The following SCAMP1 variants were observed in gnomAD, a reference collection of about 807,000 sequenced individuals.
SCAMP1 encodes secretory carrier membrane protein 1.
Under a neutral mutation model 41.8 loss-of-function variants are expected in SCAMP1, and 15 were observed. The observed-to-expected ratio is 0.36, with a 90% CI of 0.24 to 0.55. The LOEUF is 0.55. Among genes scored for constraint, SCAMP1 ranks in the 20% least tolerant of loss-of-function variants. SCAMP1 has a pLI of 0.86. For synonymous variants in SCAMP1, 135 were observed against 136.8 expected, an observed-to-expected ratio of 0.99 and a Z score of 0.09; for missense variants, 341 against 412.6, an observed-to-expected ratio of 0.83 and a Z score of 1.50.
chr5:78,364,719 G>A (rs1432313641), intron 1 of SCAMP1, among the ~76,000 whole-genome samples: 1 of 152,144 alleles, frequency 6.6e-6, no homozygotes, highest in Non-Finnish European at 1.5e-5. Flanking sequence ...GAAAAGATCT[G>A]GGCTTGATCC....
Position 78,440,595 on chromosome 5 carries a change from C to T in SCAMP1, c.633-9338C>T, listed in dbSNP as rs561096532. On this transcript the variant is annotated intron_variant, in intron 6 of 8. Transcript: ENST00000621999. ...GCTTCGTCTCAGAGGTGCACCTGGC[C>T]GTATGAGGTGTCTGTTGGCCCCTAC... Among the ~76,000 whole-genome samples, 6 of 152,214 alleles carry T rather than the reference C, an allele frequency of 3.9e-5. No individual in the cohort carries two copies. In the South Asian group the frequency reaches 6.2e-4, roughly 16 times the overall value.
intron 7 of SCAMP1, among the ~76,000 whole-genome samples, chr5:78,456,775 A>G (rs1753416925): frequency 7.1e-6 from 1 of 140,080 alleles, no homozygotes; most frequent in Non-Finnish European, 1.5e-5. Context: ...TATCCTGCAG[A>G]GTGTTTTCCA....
At chr5:78,427,001 T>G (rs1752485860) in intron 6 of SCAMP1, among the ~76,000 whole-genome samples, 3 of 152,208 alleles carry the variant, frequency 2.0e-5, no homozygotes, top group African/African-American at 7.2e-5. Context: ...ACTTTTGGCT[T>G]TTTGGATAAT....
intron 6 of SCAMP1, among the ~76,000 whole-genome samples, chr5:78,441,451 A>G (rs1289813820): frequency 6.6e-6 from 1 of 152,194 alleles, no homozygotes; most frequent in Non-Finnish European, 1.5e-5. Context: ...ATAGTTAGGA[A>G]ATTTCAAGTG....
intron 2 of SCAMP1, among the ~76,000 whole-genome samples, chr5:78,405,802 A>G (rs1751920972): frequency 6.6e-6 from 1 of 152,078 alleles, no homozygotes; most frequent in South Asian, 2.1e-4. Flanking sequence ...ATGTTCCTTT[A>G]TCTATTTGAA....
intron 5 of SCAMP1, among the ~76,000 whole-genome samples, chr5:78,421,338 A>AT (rs1308430602): frequency 4.6e-5 from 7 of 152,194 alleles, no homozygotes; most frequent in Non-Finnish European, 1.0e-4. Context: ...CATTGACTAT[A>AT]TAGTCACTAG....
At chr5:78,440,303 T>C (rs1752886264) in intron 6 of SCAMP1, among the ~76,000 whole-genome samples, 1 of 152,222 alleles carries the variant, frequency 6.6e-6, no homozygotes, top group Admixed American at 6.5e-5. Flanking sequence ...TTTAGAATTT[T>C]CAGCTTTTCT....
chr5:78,382,123 C>G (rs773652929), intron 1 of SCAMP1, among the ~76,000 whole-genome samples: 1 of 152,094 alleles, frequency 6.6e-6, no homozygotes, highest in Non-Finnish European at 1.5e-5. Flanking sequence ...GTTTTCAGAC[C>G]CCACCCCAGA....
At chr5:78,382,822 C>CG (rs1361181646) in intron 1 of SCAMP1, among the ~76,000 whole-genome samples, 41 of 104,126 alleles carry the variant, frequency 3.9e-4, no homozygotes, top group African/African-American at 1.6e-3. Context: ...TGTGTGTGCG[C>CG]CACATTTTCT....
chr5:78,432,451 ATAT>A (rs1468602872), intron 6 of SCAMP1, among the ~76,000 whole-genome samples: 7 of 152,074 alleles, frequency 4.6e-5, no homozygotes, highest in African/African-American at 1.7e-4. Context: ...TCTTTGAAAG[ATAT>A]TATCAATAAG....
intron 1 of SCAMP1, among the ~76,000 whole-genome samples, chr5:78,364,347 CATG>C (rs777443877): frequency 1.4e-4 from 22 of 152,132 alleles, no homozygotes; most frequent in African/African-American, 4.6e-4. Flanking sequence ...TGCATATTAA[CATG>C]ATAATTGATT....
intron 6 of SCAMP1, among the ~76,000 whole-genome samples, chr5:78,439,831 C>A (rs1752871990): frequency 1.3e-5 from 2 of 152,148 alleles, no homozygotes; most frequent in Admixed American, 6.5e-5. Context: ...GTTCCATTTT[C>A]CCCGTCACTT....
At chr5:78,366,659 C>T (rs1385586974) in intron 1 of SCAMP1, among the ~76,000 whole-genome samples, 5 of 152,136 alleles carry the variant, frequency 3.3e-5, no homozygotes, top group Non-Finnish European at 7.4e-5. Flanking sequence ...GACAATGATA[C>T]TTACAAGTTG....
At chr5:78,361,305 C>G (rs796583865) in intron 1 of SCAMP1, among the ~76,000 whole-genome samples, 5 of 152,190 alleles carry the variant, frequency 3.3e-5, no homozygotes, top group African/African-American at 1.2e-4. Context: ...GCGCTGCCAT[C>G]CCCCCTCTTT....
intron 6 of SCAMP1, among the ~76,000 whole-genome samples, chr5:78,437,517 AT>A (rs1403640326): frequency 1.3e-5 from 2 of 152,330 alleles, no homozygotes; most frequent in Admixed American, 6.5e-5. Context: ...GATTATGTTT[AT>A]TGATTTGCGC....
At position 78,425,488 on chromosome 5, in the gene SCAMP1, G is replaced by A. The variant is rs189955718; in HGVS notation, c.632+3528G>A. Among the ~76,000 whole-genome samples, 5 of 152,112 alleles carry A rather than the reference G, an allele frequency of 3.3e-5. No homozygotes were observed. The East Asian group carries it at 7.7e-4, about 23-fold the overall frequency. ...GTACTCCCAAACCTTTTTTTAGCTT[G>A]TAGAGAATATTTTTAAAAGTATTTT... On this transcript the variant is annotated intron_variant, in intron 6 of 8. Coordinates refer to ENST00000621999, the MANE Select transcript of SCAMP1 (RefSeq NM_004866.6).
chr5:78,427,257 C>T (rs1215585670), intron 6 of SCAMP1, among the ~76,000 whole-genome samples: 1 of 152,036 alleles, frequency 6.6e-6, no homozygotes, highest in Non-Finnish European at 1.5e-5. Context: ...GGGAGAGGTG[C>T]CATGCTCTTT....
chr5:78,435,084 C>T (rs540550170), intron 6 of SCAMP1, among the ~76,000 whole-genome samples: 1 of 152,166 alleles, frequency 6.6e-6, no homozygotes, highest in African/African-American at 2.4e-5. Context: ...CAGGATGAAA[C>T]ATGTTTACTT....
intron 2 of SCAMP1, among the ~76,000 whole-genome samples, chr5:78,398,027 A>T (rs1287154556): frequency 6.6e-6 from 1 of 152,216 alleles, no homozygotes; most frequent in Non-Finnish European, 1.5e-5. Context: ...GCTGCTTTGG[A>T]AAACAGTTTG....
Sources: allele counts gnomAD v4.1 joint callset (sites outside exome capture counted in the v4.1 genomes callset), GRCh38; gene constraint gnomAD v4.1.1; transcripts MANE v1.5; gene names NCBI Gene and HGNC (gene_info 2026-07-23, HGNC 2026-07-21).